SNTB1: variants seen among roughly 807,000 people sequenced by gnomAD.
SNTB1 encodes the protein beta-1-syntrophin.
A neutral mutation model predicts 48.9 loss-of-function variants in SNTB1; 36 were observed. The ratio of observed to expected loss-of-function variants is 0.74; its 90% CI spans 0.56 to 0.97. SNTB1 has a LOEUF of 0.97. Ranked by LOEUF, SNTB1 falls within the 50% of genes least tolerant of loss-of-function variation. The pLI, the probability that SNTB1 is intolerant of heterozygous loss-of-function variation, is 0.00. For synonymous variants in SNTB1, 299 were observed against 294.6 expected, an observed-to-expected ratio of 1.01 and a Z score of -0.15; for missense variants, 786 against 703.4, an observed-to-expected ratio of 1.12 and a Z score of -1.33.
chr8:120,553,539 G>T (rs1330816969), intron 4 of SNTB1, among the ~76,000 whole-genome samples: 1 of 152,152 alleles, frequency 6.6e-6, no homozygotes, highest in Non-Finnish European at 1.5e-5. Flanking sequence ...TACACACCTT[G>T]AAATTATAAG....
Position 120,751,989 on chromosome 8 carries a change from C to T in SNTB1, c.572-58081G>A, listed in dbSNP as rs1587134430. On this transcript the variant is annotated intron_variant, in intron 1 of 6. Coordinates refer to ENST00000517992, the MANE Select transcript of SNTB1 (RefSeq NM_021021.4). ...GTTGTAGACGATCTTGGCATTATAA[C>T]CTGCTGCCAGTTGTTAGTGATCGTC... Among the ~76,000 whole-genome samples, 3 of 152,154 alleles carry T rather than the reference C, an allele frequency of 2.0e-5. No homozygotes were observed. In the South Asian group the frequency reaches 6.2e-4, roughly 32 times the overall value.
At chr8:120,673,929 T>C (rs570038571) in intron 2 of SNTB1, among the ~76,000 whole-genome samples, 1 of 152,280 alleles carries the variant, frequency 6.6e-6, no homozygotes, top group African/African-American at 2.4e-5. Flanking sequence ...CTCTTACAAG[T>C]AGGCCTACAG....
intron 1 of SNTB1, among the ~76,000 whole-genome samples, chr8:120,790,026 A>G (rs929616000): frequency 2.0e-5 from 3 of 152,094 alleles, no homozygotes; most frequent in African/African-American, 4.8e-5. Context: ...AGCACATCAA[A>G]AAAAGTAATT....
At chr8:120,722,131 T>A (rs1368903475) in intron 1 of SNTB1, among the ~76,000 whole-genome samples, 1 of 152,188 alleles carries the variant, frequency 6.6e-6, no homozygotes, top group Non-Finnish European at 1.5e-5. Flanking sequence ...CTTAATCCAG[T>A]CTATCATTGC....
At chr8:120,586,481 A>C (rs1816142735) in intron 3 of SNTB1, among the ~76,000 whole-genome samples, 2 of 152,034 alleles carry the variant, frequency 1.3e-5, no homozygotes, top group South Asian at 4.1e-4. Context: ...TTGGCTCTGC[A>C]TCATGTTACC....
intron 4 of SNTB1, among the ~76,000 whole-genome samples, chr8:120,567,466 G>A (rs1020562502): frequency 2.0e-5 from 3 of 148,664 alleles, no homozygotes; most frequent in Non-Finnish European, 4.4e-5. Flanking sequence ...GGACCCAGGC[G>A]CTGGAGTACA....
chr8:120,807,266 T>C (rs1820349779), intron 1 of SNTB1, among the ~76,000 whole-genome samples: 1 of 152,210 alleles, frequency 6.6e-6, no homozygotes, highest in African/African-American at 2.4e-5. Flanking sequence ...TATTTTACTA[T>C]CAATCCAAGA....
intron 1 of SNTB1, among the ~76,000 whole-genome samples, chr8:120,762,369 A>T (rs544924535): frequency 6.6e-6 from 1 of 152,292 alleles, no homozygotes; most frequent in African/African-American, 2.4e-5. Context: ...CAAAATGTTT[A>T]CCAGGATGAG....
Position 120,590,680 on chromosome 8 carries a change from C to CTT in SNTB1, c.997-15457_997-15456dup, listed in dbSNP as rs201399849. Among the ~76,000 whole-genome samples, 262 of 130,976 alleles carry CTT rather than the reference C, an allele frequency of 2.0e-3. 3 individuals carry two copies. Among genetic ancestry groups the CTT allele is most frequent in the African/African-American group, 7.9e-3 (232 of 29,524 alleles). 85.9% of individuals were successfully genotyped at this position (130,976 alleles called of 152,430 possible). Reference sequence around the variant, plus strand: ...AGGTTTCTTTCTTTTGTTTTCTTTTCTTTTCTTTTTTTTTTTTTTTGAGAC... The same window carrying CTT: ...AGGTTTCTTTCTTTTGTTTTCTTTTCTTTTTTCTTTTTTTTTTTTTTTGAGAC... On this transcript the variant is annotated intron_variant, in intron 3 of 6. Transcript: ENST00000517992.
At chr8:120,715,625 G>C (rs1203570465) in intron 1 of SNTB1, among the ~76,000 whole-genome samples, 1 of 152,196 alleles carries the variant, frequency 6.6e-6, no homozygotes, top group African/African-American at 2.4e-5. Flanking sequence ...ACTCGATAAA[G>C]TTTCTGTGAC....
At chr8:120,695,176 T>C (rs1227426709) in intron 1 of SNTB1, among the ~76,000 whole-genome samples, 3 of 152,190 alleles carry the variant, frequency 2.0e-5, no homozygotes, top group Non-Finnish European at 4.4e-5. Flanking sequence ...AGGTGTTTGT[T>C]ATTACAAATG....
At chr8:120,595,182 A>C (rs1816303224) in intron 3 of SNTB1, among the ~76,000 whole-genome samples, 1 of 152,136 alleles carries the variant, frequency 6.6e-6, no homozygotes, top group Non-Finnish European at 1.5e-5. Flanking sequence ...CATCTTGAAT[A>C]GGAGCTGGGT....
chr8:120,605,402 C>T (rs1273867067), intron 3 of SNTB1, among the ~76,000 whole-genome samples: 1 of 152,206 alleles, frequency 6.6e-6, no homozygotes, highest in Non-Finnish European at 1.5e-5. Context: ...AGCTGGGAAT[C>T]TGTAGTTTCC....
chr8:120,597,762 G>A (rs1325061514), intron 3 of SNTB1, among the ~76,000 whole-genome samples: 9 of 152,238 alleles, frequency 5.9e-5, no homozygotes, highest in Admixed American at 4.6e-4. Flanking sequence ...CCCTAGAACT[G>A]AGTCACCCTG....
intron 1 of SNTB1, among the ~76,000 whole-genome samples, chr8:120,775,795 C>T (rs569492032): frequency 6.6e-6 from 1 of 152,076 alleles, no homozygotes; most frequent in South Asian, 2.1e-4. Context: ...AAGCTGACAT[C>T]AGCCCATGCC....
intron 2 of SNTB1, chr8:120,637,822 T>A (rs1226064810): frequency 2.0e-5 from 6 of 300,936 alleles, no homozygotes; most frequent in Non-Finnish European, 4.0e-5. Flanking sequence ...TTGCTCTGTC[T>A]CTTGCAAAAG....
Position 120,538,119 on chromosome 8 carries a change from A to G in SNTB1, c.*758T>C, listed in dbSNP as rs937473951. On this transcript the variant is annotated 3_prime_UTR_variant, in exon 7 of 7. Coordinates refer to ENST00000517992, the MANE Select transcript of SNTB1 (RefSeq NM_021021.4). ...TAAGACAGCAGACCTTGGTGTGAGT[A>G]TAGTCCCAGAATTAATCATCCTTTG... 3 of 153,358 alleles carry G rather than the reference A, an allele frequency of 2.0e-5. No individual in the cohort carries two copies. Among genetic ancestry groups the G allele is most frequent in the Admixed American group, 6.5e-5 (1 of 15,500 alleles). 9.5% of individuals were successfully genotyped at this position (153,358 alleles called of 1,614,324 possible). A position where few individuals can be genotyped will look rare whatever the true frequency, so the allele number is the denominator to read the frequency against.
At chr8:120,573,843 T>C (rs913446353) in intron 4 of SNTB1, among the ~76,000 whole-genome samples, 5 of 152,204 alleles carry the variant, frequency 3.3e-5, no homozygotes, top group African/African-American at 1.2e-4. Context: ...TGACCACAAA[T>C]GGGTGAATTT....
intron 3 of SNTB1, among the ~76,000 whole-genome samples, chr8:120,611,126 C>G (rs1171388278): frequency 6.6e-6 from 1 of 152,152 alleles, no homozygotes; most frequent in Non-Finnish European, 1.5e-5. Flanking sequence ...AGAGCAAGCA[C>G]CTAATCTAAA....
Sources: gnomAD v4.1 joint callset for allele counts (sites outside exome capture counted in the v4.1 genomes callset) on GRCh38, gnomAD v4.1.1 for gene constraint, MANE v1.5 for transcripts, NCBI Gene and HGNC (gene_info 2026-07-23, HGNC 2026-07-21) for gene names.